The following NCKAP1 variants were observed in gnomAD, a reference collection of about 807,000 sequenced individuals.
NCKAP1 encodes nck-associated protein 1.
Under a neutral mutation model 151.2 loss-of-function variants are expected in NCKAP1, and 21 were observed. That is an observed-to-expected ratio of 0.14 (90% CI 0.10 to 0.20). NCKAP1 has a LOEUF of 0.20. Ranked by LOEUF, NCKAP1 falls within the 10% of genes least tolerant of loss-of-function variation. NCKAP1 has a pLI of 1.00. For synonymous variants in NCKAP1, 484 were observed against 451.8 expected, an observed-to-expected ratio of 1.07 and a Z score of -0.90; for missense variants, 933 against 1,352.1, an observed-to-expected ratio of 0.69 and a Z score of 4.86.
intron 1 of NCKAP1, 51 bp from the exon 2 acceptor site, chr2:183,023,967 T>G: frequency 7.8e-7 from 1 of 1,280,476 alleles, no homozygotes; most frequent in Non-Finnish European, 1.1e-6. Flanking sequence ...TCTTCTAAAA[T>G]CAAAAATAGC....
chr2:182,989,845 CA>C (rs1698132076), intron 8 of NCKAP1, among the ~76,000 whole-genome samples: 1 of 151,936 alleles, frequency 6.6e-6, no homozygotes, highest in South Asian at 2.1e-4. Flanking sequence ...ACTAAAAATA[CA>C]AAAATTAGAC....
At chr2:182,976,215 G>A (rs1182257223) in intron 15 of NCKAP1, among the ~76,000 whole-genome samples, 4 of 152,254 alleles carry the variant, frequency 2.6e-5, no homozygotes, top group South Asian at 4.1e-4. Flanking sequence ...TTATCATTAA[G>A]GTTACAGTAT....
In NCKAP1 at chr2:182,925,419, TTATCAAA is replaced by T. The variant is rs1386894687; in HGVS notation, c.*276_*282del. The T allele has an allele frequency of 5.6e-6, 1 of 178,532 alleles. No individual in the cohort carries two copies. The highest frequency in any genetic ancestry group is 1.2e-5 in the Non-Finnish European group (1 of 84,976). The allele number at this position is 178,532 out of a possible 1,614,324, so 11.1% of individuals were successfully genotyped here. ...AATAAACAAGCAAAGATTTTTTTCATTATCAAATATCAAAAACATGTTGATAATGTAT... is the reference window on the plus strand; with the variant it reads ...AATAAACAAGCAAAGATTTTTTTCATTATCAAAAACATGTTGATAATGTAT... On this transcript the variant is annotated 3_prime_UTR_variant, in exon 31 of 31. Coordinates refer to ENST00000361354, the MANE Select transcript of NCKAP1 (RefSeq NM_013436.5).
intron 1 of NCKAP1, among the ~76,000 whole-genome samples, chr2:183,037,693 G>T (rs1699130143): frequency 6.6e-6 from 1 of 152,146 alleles, no homozygotes; most frequent in Admixed American, 6.5e-5. Context: ...CCGAGGAGGG[G>T]ACAGCTCCCG....
chr2:182,995,029 A>T (rs1698241546), intron 7 of NCKAP1, 142 bp from the exon 8 acceptor site: 1 of 669,352 alleles, frequency 1.5e-6, no homozygotes, highest in African/African-American at 1.9e-5. Context: ...GAAGAGCTGG[A>T]TAAAAGTTTT....
At position 182,986,218 on chromosome 2, in the gene NCKAP1, T is replaced by C. The variant is rs1698053376; in HGVS notation, c.957A>G (p.Lys319=). The change falls in exon 10 of 31, where the codon AAA becomes AAG. Residue 319 remains lysine, a synonymous_variant. Coordinates refer to ENST00000361354, the MANE Select transcript of NCKAP1 (RefSeq NM_013436.5). The part of the protein sequence containing the change: ...DLFVNIRGYN[K]RINDIRECKE... ...TGCATTCTCTTATGTCATTAATACG[T>C]TTATTATAGCTAGGTGCAAAAACAA... 1 of 1,613,342 alleles carries C rather than the reference T, an allele frequency of 6.2e-7. No homozygotes were observed. The highest frequency in any genetic ancestry group is 8.5e-7 in the Non-Finnish European group (1 of 1,179,418).
intron 15 of NCKAP1, among the ~76,000 whole-genome samples, chr2:182,969,919 CA>C (rs1260027709): frequency 3.3e-5 from 5 of 151,412 alleles, no homozygotes; most frequent in Non-Finnish European, 7.4e-5. Context: ...AAGAAGACCC[CA>C]AAAAAATCAG....
chr2:182,940,540 A>C (rs918941892), intron 24 of NCKAP1, among the ~76,000 whole-genome samples: 6 of 152,144 alleles, frequency 3.9e-5, no homozygotes, highest in African/African-American at 1.4e-4. Context: ...CCCGGGTTCA[A>C]GCAATTCTCC....
rs1461617769 is a variant in NCKAP1 at position 182,923,037 on chromosome 2, T to C, written c.*2665A>G. 2.0e-5 allele frequency: 3 copies of C among 152,178 alleles called. No homozygotes were observed. Among genetic ancestry groups the C allele is most frequent in the East Asian group, 1.9e-4 (1 of 5,186 alleles). The allele number at this position is 152,178 out of a possible 1,614,324, so 9.4% of individuals were successfully genotyped here. On this transcript the variant is annotated 3_prime_UTR_variant, in exon 31 of 31. Coordinates refer to ENST00000361354, the MANE Select transcript of NCKAP1 (RefSeq NM_013436.5). The stretch of plus-strand genomic sequence containing the variant: ...TCAAGAAGCTGGTTTGTTTATTGTA[T>C]ACCATCACTAAAATCCAAGCTCAAC...
chr2:182,963,968 G>A (rs1048189586), intron 17 of NCKAP1, among the ~76,000 whole-genome samples: 3 of 152,064 alleles, frequency 2.0e-5, no homozygotes, highest in Non-Finnish European at 2.9e-5. Context: ...AACTGACCAT[G>A]TTCCTGCTAT....
chr2:182,944,765 A>C (rs1428868331), intron 23 of NCKAP1, among the ~76,000 whole-genome samples: 2 of 152,254 alleles, frequency 1.3e-5, no homozygotes, highest in African/African-American at 4.8e-5. Flanking sequence ...AATGATACTT[A>C]GTTTATATCA....
intron 20 of NCKAP1, among the ~76,000 whole-genome samples, chr2:182,955,551 G>A (rs1213134236): frequency 6.6e-6 from 1 of 152,068 alleles, no homozygotes; most frequent in East Asian, 1.9e-4. Flanking sequence ...TTAGAATTGA[G>A]AATTCAAGAA....
chr2:182,941,955 A>G, intron 24 of NCKAP1, 115 bp downstream of exon 24: 1 of 759,872 alleles, frequency 1.3e-6, no homozygotes, highest in Non-Finnish European at 2.1e-6. Flanking sequence ...TTCATAAGCT[A>G]AAGAGTACTT....
At chr2:182,935,696 C>T (rs1311174147) in intron 24 of NCKAP1, among the ~76,000 whole-genome samples, 1 of 151,950 alleles carries the variant, frequency 6.6e-6, no homozygotes, top group Non-Finnish European at 1.5e-5. Flanking sequence ...TTACTACCTT[C>T]TGAAACCCTA....
chr2:183,024,951 A>T (rs1160664541), intron 1 of NCKAP1: 1 of 1,611,602 alleles, frequency 6.2e-7, no homozygotes. Context: ...GCAAGCGGGC[A>T]GAGGGAAGGT....
chr2:182,965,351 G>T (rs1697548311), intron 16 of NCKAP1, among the ~76,000 whole-genome samples: 1 of 150,724 alleles, frequency 6.6e-6, no homozygotes, highest in Non-Finnish European at 1.5e-5. Context: ...TTTTAGACGG[G>T]GGACACTTTG....
chr2:182,942,229 C>T, intron 23 of NCKAP1, 66 bp from the exon 24 acceptor site: 1 of 1,223,276 alleles, frequency 8.2e-7, no homozygotes, highest in African/African-American at 1.5e-5. Context: ...TAAGAGCATG[C>T]TTGGAAATTA....
At chr2:183,024,500 A>C (rs1033572268) in intron 1 of NCKAP1, among the ~76,000 whole-genome samples, 4 of 152,212 alleles carry the variant, frequency 2.6e-5, no homozygotes, top group African/African-American at 9.6e-5. Context: ...CAAACAATGA[A>C]TCTACATCTG....
intron 20 of NCKAP1, among the ~76,000 whole-genome samples, chr2:182,955,982 T>C (rs558777137): frequency 1.3e-4 from 20 of 152,318 alleles, no homozygotes; most frequent in African/African-American, 4.6e-4. Flanking sequence ...TTAATACTAA[T>C]AGGTATGAGA....
Sources: allele counts gnomAD v4.1 joint callset (sites outside exome capture counted in the v4.1 genomes callset), GRCh38; gene constraint gnomAD v4.1.1; transcripts MANE v1.5; gene names NCBI Gene and HGNC (gene_info 2026-07-23, HGNC 2026-07-21).